OPRM1: variants seen among roughly 807,000 people sequenced by gnomAD.
The protein encoded by OPRM1 is mu-type opioid receptor.
In OPRM1, 27 loss-of-function variants were observed where a neutral mutation model predicts 31.8. The observed-to-expected ratio is 0.85, with a 90% confidence interval of 0.63 to 1.17. The LOEUF (loss-of-function observed/expected upper bound fraction) is 1.17, where lower values mean the gene tolerates loss of function less well. OPRM1 is among the 50% of genes most tolerant of loss of function. The pLI, the probability that OPRM1 is intolerant of heterozygous loss-of-function variation, is 0.00. For synonymous variants in OPRM1, 196 were observed against 189.9 expected (o/e 1.03, Z -0.26); for missense variants, 536 against 511.1 (o/e 1.05, Z -0.47).
chr6:154,142,556 A>G (rs950620200), intron 3 of OPRM1, among the ~76,000 whole-genome samples: 3 of 152,158 alleles, frequency 2.0e-5, no homozygotes, highest in African/African-American at 7.2e-5. Context: ...GGAAAGGGGC[A>G]CTAGACTCCA....
intron 1 of OPRM1, among the ~76,000 whole-genome samples, chr6:154,032,936 T>C (rs1175331990): frequency 6.6e-6 from 1 of 152,240 alleles, no homozygotes. Context: ...AACTTATCTA[T>C]ATTAGAATCT....
At chr6:154,224,286 A>T (rs779948332) in intron 3 of OPRM1, among the ~76,000 whole-genome samples, 3 of 152,228 alleles carry the variant, frequency 2.0e-5, no homozygotes, top group Non-Finnish European at 4.4e-5. Flanking sequence ...TGCCAACTAG[A>T]GTGCAACTTG....
intron 3 of OPRM1, among the ~76,000 whole-genome samples, chr6:154,179,499 GC>G (rs1012419016): frequency 6.6e-6 from 1 of 151,876 alleles, no homozygotes; most frequent in Non-Finnish European, 1.5e-5. Flanking sequence ...AATTATTTCC[GC>G]CCCCCCTTAT....
At chr6:154,226,750 T>C (rs1380100025) in intron 3 of OPRM1, among the ~76,000 whole-genome samples, 2 of 152,172 alleles carry the variant, frequency 1.3e-5, no homozygotes, top group Non-Finnish European at 1.5e-5. Context: ...TTAAATACCC[T>C]GCATGGTGTC....
chr6:154,098,980 G>GA (rs558305133), intron 3 of OPRM1, among the ~76,000 whole-genome samples: 1 of 151,926 alleles, frequency 6.6e-6, no homozygotes, highest in African/African-American at 2.4e-5. Flanking sequence ...TCATGATGAA[G>GA]AAAAAAAATT....
intron 3 of OPRM1, among the ~76,000 whole-genome samples, chr6:154,239,238 A>T (rs1212084983): frequency 6.6e-6 from 1 of 152,246 alleles, no homozygotes; most frequent in Non-Finnish European, 1.5e-5. Flanking sequence ...CATTACAACA[A>T]GAAGTTATTG....
intron 3 of OPRM1, among the ~76,000 whole-genome samples, chr6:154,187,211 GACTACCA>G (rs965466861): frequency 4.0e-5 from 6 of 151,558 alleles, no homozygotes; most frequent in African/African-American, 1.5e-4. Flanking sequence ...GATTTTCCAG[GACTACCA>G]ATGTAAAATC....
rs1491174035 is a variant in OPRM1 at position 154,244,300 on chromosome 6, G to GT, written c.1165-2393_1165-2392insT. Among the ~76,000 whole-genome samples the GT allele has an allele frequency of 4.7e-3, 327 of 68,930 alleles. 5 individuals are homozygous for GT. Among genetic ancestry groups the GT allele is most frequent in the African/African-American group, 0.012 (172 of 13,764 alleles). The allele number at this position is 68,930 out of a possible 152,430, so 45.2% of individuals were successfully genotyped here. A position where few individuals can be genotyped will look rare whatever the true frequency, so the allele number is the denominator to read the frequency against. On this transcript the variant is annotated intron_variant, in intron 3 of 3. Coordinates refer to the OPRM1 transcript ENST00000337049. Reference sequence around the variant, plus strand: ...ATTAAGATTCGGTGTGTGTGTGGGTGGGTGTGTGTGTGTGTGTGTGTGTGT... The same window carrying GT: ...ATTAAGATTCGGTGTGTGTGTGGGTGTGGTGTGTGTGTGTGTGTGTGTGTGT...
chr6:154,154,377 G>A (rs1266199233), intron 3 of OPRM1: 18 of 152,122 alleles, frequency 1.2e-4, no homozygotes, highest in Admixed American at 9.8e-4. Context: ...GTAATACAAT[G>A]TGCAAGTCAA....
At chr6:154,052,713 A>G (rs1782450104) in intron 1 of OPRM1, among the ~76,000 whole-genome samples, 1 of 152,198 alleles carries the variant, frequency 6.6e-6, no homozygotes, top group Non-Finnish European at 1.5e-5. Flanking sequence ...TGAAATAGGA[A>G]CACATCATCT....
At chr6:154,138,434 A>AC (rs1273261817) in intron 3 of OPRM1, among the ~76,000 whole-genome samples, 1 of 152,192 alleles carries the variant, frequency 6.6e-6, no homozygotes, top group Non-Finnish European at 1.5e-5. Context: ...TGGAGGTGGG[A>AC]CCTGGTCCTC....
At chr6:154,083,892 C>T (rs1789792850) in intron 1 of OPRM1, among the ~76,000 whole-genome samples, 1 of 138,178 alleles carries the variant, frequency 7.2e-6, no homozygotes, top group South Asian at 2.3e-4. Flanking sequence ...TGCAGTGAGC[C>T]GAGATCGCGC....
At chr6:154,193,455 A>C (rs565895731) in intron 3 of OPRM1, among the ~76,000 whole-genome samples, 9 of 152,332 alleles carry the variant, frequency 5.9e-5, no homozygotes, top group African/African-American at 2.2e-4. Flanking sequence ...TGAAGAACTC[A>C]TTCATGTAAC....
At chr6:154,133,120 CA>C (rs61513712), downstream of OPRM1, among the ~76,000 whole-genome samples, 113,641 of 135,832 alleles carry the variant, frequency 0.84, 46,993 homozygotes, top group East Asian at 0.97. Context: ...GACTCCATCT[CA>C]AAAAAAAAAA....
chr6:154,202,505 A>G (rs1403195532), intron 3 of OPRM1, among the ~76,000 whole-genome samples: 1 of 152,180 alleles, frequency 6.6e-6, no homozygotes, highest in East Asian at 1.9e-4. Context: ...ATTGTGAGCT[A>G]TTTTAGTAAA....
chr6:154,193,927 T>G (rs1001736049), intron 3 of OPRM1, among the ~76,000 whole-genome samples: 37 of 151,294 alleles, frequency 2.4e-4, no homozygotes, highest in African/African-American at 9.0e-4. Flanking sequence ...TAGCATAGTA[T>G]TAAAAGGGAT....
At chr6:154,086,785 G>T in intron 1 of OPRM1, 1 of 985,344 alleles carries the variant, frequency 1.0e-6, no homozygotes, top group Non-Finnish European at 1.2e-6. Context: ...TAGGAAAGTG[G>T]CAAATGCAAT....
chr6:154,221,775 G>C (rs1246880778), intron 3 of OPRM1, among the ~76,000 whole-genome samples: 1 of 152,148 alleles, frequency 6.6e-6, no homozygotes, highest in Non-Finnish European at 1.5e-5. Context: ...CCGGGAGGCT[G>C]AGGCAGGAGA....
chr6:154,060,359 C>T (rs1343958242), intron 1 of OPRM1, among the ~76,000 whole-genome samples: 1 of 152,094 alleles, frequency 6.6e-6, no homozygotes, highest in East Asian at 1.9e-4. Flanking sequence ...ACCAAAAGTA[C>T]CCAGCAAAGT....
Sources: gnomAD v4.1 joint callset for allele counts (sites outside exome capture counted in the v4.1 genomes callset) on GRCh38, gnomAD v4.1.1 for gene constraint, MANE v1.5 for transcripts, NCBI Gene and HGNC (gene_info 2026-07-23, HGNC 2026-07-21) for gene names.